AXIN1: variants seen among roughly 807,000 people sequenced by gnomAD.
The protein encoded by AXIN1 is axin 1.
AXIN1 carries 30 observed loss-of-function variants against 76.4 expected under a neutral mutation model. The ratio of observed to expected loss-of-function variants is 0.39; its 90% CI spans 0.29 to 0.53. The LOEUF (loss-of-function observed/expected upper bound fraction) is 0.53, where lower values mean the gene tolerates loss of function less well. Among genes scored for constraint, AXIN1 ranks in the 20% least tolerant of loss-of-function variants. The pLI is 0.66. For synonymous variants in AXIN1, 545 were observed against 501.4 expected (o/e 1.09, Z -1.16); for missense variants, 1,140 against 1,198.8 (o/e 0.95, Z 0.72).
At chr16:338,571 C>T (rs1018011390) in intron 2 of AXIN1, among the ~76,000 whole-genome samples, 1 of 152,234 alleles carries the variant, frequency 6.6e-6, no homozygotes, top group Non-Finnish European at 1.5e-5. Context: ...TGGAGCTTTA[C>T]GTGGCTAAGG....
At chr16:328,141 C>T (rs1434268169) in intron 2 of AXIN1, among the ~76,000 whole-genome samples, 1 of 152,184 alleles carries the variant, frequency 6.6e-6, no homozygotes, top group African/African-American at 2.4e-5. Flanking sequence ...CCTGTAATCC[C>T]AGCATTTTGG....
rs746683145 is a variant in AXIN1, at chr16:346,101, G to T, written c.878+47C>A. ...GCACCTTTCCCTGGCTTGTTCTCCA[G>T]CTCTCGGAGGTGAGTACAGAAAGTG... On this transcript the variant is annotated intron_variant, in intron 2 of 10. Coordinates refer to ENST00000262320, the MANE Select transcript of AXIN1 (RefSeq NM_003502.4). 2.5e-6 allele frequency: 4 copies of T among 1,588,168 alleles called. No homozygotes were observed. The African/African-American group carries it at 4.0e-5, about 16-fold the overall frequency.
chr16:290,992 A>G, intron 9 of AXIN1, 198 bp downstream of exon 9: 1 of 641,316 alleles, frequency 1.6e-6, no homozygotes, highest in Non-Finnish European at 2.8e-6. Flanking sequence ...CTGGACAGTC[A>G]GCGTCTCCTT....
Position 288,255 on chromosome 16 carries a change from G to A in AXIN1, c.2463-7C>T, listed in dbSNP as rs749204074. ...CACTTTCTTGAAGTAGTATCTGCAGGACGGAGGTGAGGAGGGCAGTGAGCA... is the reference window on the plus strand; with the variant it reads ...CACTTTCTTGAAGTAGTATCTGCAGAACGGAGGTGAGGAGGGCAGTGAGCA... On this transcript the variant is annotated splice_region_variant and splice_polypyrimidine_tract_variant and intron_variant, in intron 10 of 10. Transcript: ENST00000262320. The A allele has an allele frequency of 1.4e-5, 22 of 1,613,376 alleles. No homozygotes were observed. Among genetic ancestry groups the A allele is most frequent in the South Asian group, 2.2e-5 (2 of 91,088 alleles).
intron 2 of AXIN1, among the ~76,000 whole-genome samples, chr16:330,608 CAA>C (rs2053674408): frequency 6.6e-6 from 1 of 152,200 alleles, no homozygotes; most frequent in South Asian, 2.1e-4. Context: ...TTCAATGTCA[CAA>C]AAGTCTCTTC....
chr16:345,603 A>G lies in AXIN1; in HGVS notation c.878+545T>C, dbSNP rs760671196. Among the ~76,000 whole-genome samples the G allele has an allele frequency of 1.4e-4, 22 of 152,098 alleles. 1 individual carries two copies. Among genetic ancestry groups the G allele is most frequent in the Non-Finnish European group, 4.4e-5 (3 of 67,990 alleles). Reference sequence around the variant, plus strand: ...GTGGCACATGCCTGTAATCCCAGCTACTCAGGAGGCTGAGGCAGGAGAATC... The same window carrying G: ...GTGGCACATGCCTGTAATCCCAGCTGCTCAGGAGGCTGAGGCAGGAGAATC... On this transcript the variant is annotated intron_variant, in intron 2 of 10. Transcript: ENST00000262320.
intron 2 of AXIN1, among the ~76,000 whole-genome samples, chr16:328,692 A>G (rs1055563549): frequency 6.6e-6 from 1 of 152,116 alleles, no homozygotes; most frequent in Non-Finnish European, 1.5e-5. Flanking sequence ...GCGAAACTCC[A>G]TGTCAAAAAA....
rs2052424311 is a variant in AXIN1 at position 287,829 on chromosome 16, G to A, written c.*293C>T. ...TGCCCAAGGGAGGTGCCGGGGGATGGGGGGGGGTCACCTGAAGCTGGCAGC... is the reference window on the plus strand; with the variant it reads ...TGCCCAAGGGAGGTGCCGGGGGATGAGGGGGGGTCACCTGAAGCTGGCAGC... On this transcript the variant is annotated 3_prime_UTR_variant, in exon 11 of 11. Transcript: ENST00000262320. 1.9e-6 allele frequency: 1 copy of A among 517,442 alleles called. No homozygotes were observed. The highest frequency in any genetic ancestry group is 3.5e-6 in the Non-Finnish European group (1 of 285,374). 32.1% of individuals were successfully genotyped at this position (517,442 alleles called of 1,614,324 possible). A position where few individuals can be genotyped will look rare whatever the true frequency, so the allele number is the denominator to read the frequency against.
intron 2 of AXIN1, among the ~76,000 whole-genome samples, chr16:333,412 C>T (rs1200048305): frequency 1.3e-5 from 2 of 150,832 alleles, no homozygotes; most frequent in Admixed American, 6.6e-5. Flanking sequence ...ATCGCTCAAG[C>T]CTTTTTTTCC....
At chr16:352,342 C>G (rs1354610604) in intron 1 of AXIN1, 27 bp downstream of exon 1, 3 of 979,590 alleles carry the variant, frequency 3.1e-6, no homozygotes, top group African/African-American at 3.5e-5. Context: ...CGCGGCCTAG[C>G]CCGCCCCGGA....
At chr16:332,924 C>G (rs946447960) in intron 2 of AXIN1, among the ~76,000 whole-genome samples, 8 of 152,128 alleles carry the variant, frequency 5.3e-5, no homozygotes, top group African/African-American at 1.9e-4. Flanking sequence ...ATGGCTCACA[C>G]CTGCAATTTC....
intron 2 of AXIN1, among the ~76,000 whole-genome samples, chr16:340,778 A>G (rs1012337956): frequency 2.0e-5 from 3 of 152,332 alleles, no homozygotes; most frequent in African/African-American, 7.2e-5. Context: ...AGTGGGACAA[A>G]CACAGAAAAG....
At chr16:294,754 T>C (rs1596985935) in intron 7 of AXIN1, among the ~76,000 whole-genome samples, 8 of 19,672 alleles carry the variant, frequency 4.1e-4, no homozygotes, top group South Asian at 1.5e-3. Flanking sequence ...AAACCCCATC[T>C]CAAAAAAAAA....
chr16:327,005 G>A lies in AXIN1; in HGVS notation c.879-12322C>T, dbSNP rs763025589. Among the ~76,000 whole-genome samples, 9 of 151,862 alleles carry A rather than the reference G, an allele frequency of 5.9e-5. 1 individual carries two copies. Among genetic ancestry groups the A allele is most frequent in the Admixed American group, 1.3e-4 (2 of 15,236 alleles). ...AATATAAAAAAAATTAGCCGGGTGC[G>A]GTGGCGGGTGCCTGTAGTCCCAGCT... On this transcript the variant is annotated intron_variant, in intron 2 of 10. Transcript: ENST00000262320.
At chr16:329,915 G>A (rs1188152555) in intron 2 of AXIN1, among the ~76,000 whole-genome samples, 1 of 151,786 alleles carries the variant, frequency 6.6e-6, no homozygotes, top group Admixed American at 6.6e-5. Flanking sequence ...TAACAGGCGT[G>A]AGCCACCGCG....
chr16:289,727 C>A, intron 9 of AXIN1, 120 bp from the exon 10 acceptor site: 1 of 1,292,722 alleles, frequency 7.7e-7, no homozygotes, highest in Non-Finnish European at 1.1e-6. Context: ...AGCAGCACCC[C>A]ATTCAAACAC....
chr16:296,989 G>C, intron 7 of AXIN1, 67 bp downstream of exon 7: 2 of 1,546,600 alleles, frequency 1.3e-6, no homozygotes, highest in African/African-American at 1.4e-5. Context: ...TGCACACACT[G>C]AGACTGTGCG....
intron 4 of AXIN1, among the ~76,000 whole-genome samples, chr16:306,778 G>A (rs1740143478): frequency 6.6e-6 from 1 of 152,244 alleles, no homozygotes. Flanking sequence ...AGTCACTGCT[G>A]GAGTCTGGGC....
At chr16:304,715 A>G (rs1415828642) in intron 4 of AXIN1, among the ~76,000 whole-genome samples, 1 of 151,956 alleles carries the variant, frequency 6.6e-6, no homozygotes, top group Non-Finnish European at 1.5e-5. Flanking sequence ...TTGTATTCTT[A>G]GTAGGGATGG....
Sources: gnomAD v4.1 joint callset for allele counts (sites outside exome capture counted in the v4.1 genomes callset) on GRCh38, gnomAD v4.1.1 for gene constraint, MANE v1.5 for transcripts, NCBI Gene and HGNC (gene_info 2026-07-23, HGNC 2026-07-21) for gene names.